Variants in PKP2 observed in about 807,000 individuals in gnomAD.
The protein encoded by PKP2 is plakophilin-2.
Under a neutral mutation model 83.4 loss-of-function variants are expected in PKP2, and 73 were observed. The observed-to-expected ratio is 0.88, with a 90% CI of 0.72 to 1.06. The LOEUF is 1.06. Ranked by LOEUF, PKP2 falls within the 50% of genes least tolerant of loss-of-function variation. The pLI is 0.00. For synonymous variants in PKP2, 409 were observed against 430.4 expected (o/e 0.95, Z 0.62); for missense variants, 966 against 1,065.4 (o/e 0.91, Z 1.30).
chr12:32,829,694 T>C (rs145183005), intron 6 of PKP2, among the ~76,000 whole-genome samples: 3,192 of 152,008 alleles, frequency 0.021, 117 homozygotes, highest in African/African-American at 0.073. Flanking sequence ...GGAGTCTCAC[T>C]GTGTTGCCCA....
Position 32,802,417 on chromosome 12 carries a change from A to G in PKP2, c.2153T>C (p.Leu718Pro), listed in dbSNP as rs761037679. The G allele has an allele frequency of 2.5e-6, 4 of 1,613,998 alleles. No homozygotes were observed. The highest frequency in any genetic ancestry group is 2.2e-5 in the South Asian group (2 of 91,088). The change falls in exon 10 of 13, where the codon CTG becomes CCG. Residue 718 changes from leucine (L) to proline (P), a missense_variant. Physicochemically the swap from Leu to Pro is moderately conservative, Grantham distance 98. Coordinates refer to ENST00000340811, the MANE Select transcript of PKP2 (RefSeq NM_001005242.3). Reference sequence around the variant, plus strand: ...TACCGACTCACCAATTTCATTCTGCAGAGAAAGATTCCGGGACAGATTCCT... The same window carrying G: ...TACCGACTCACCAATTTCATTCTGCGGAGAAAGATTCCGGGACAGATTCCT... Reference protein sequence around the residue: ...LLRNLSRNLSLQNEIAKETLP... With the variant: ...LLRNLSRNLSPQNEIAKETLP...
intron 1 of PKP2, chr12:32,893,403 A>C (rs1222584282): frequency 6.6e-6 from 1 of 152,200 alleles, no homozygotes; most frequent in Non-Finnish European, 1.5e-5. Flanking sequence ...AAATAATAAA[A>C]ATTATACTCA....
intron 4 of PKP2, among the ~76,000 whole-genome samples, chr12:32,866,882 C>G (rs781425798): frequency 1.1e-4 from 16 of 152,114 alleles, no homozygotes; most frequent in Non-Finnish European, 1.9e-4. Flanking sequence ...TTCACGGTAG[C>G]TTTATTTGTA....
chr12:32,888,926 G>C (rs1032547241), intron 1 of PKP2, among the ~76,000 whole-genome samples: 1 of 152,102 alleles, frequency 6.6e-6, no homozygotes, highest in Non-Finnish European at 1.5e-5. Context: ...AAAGTGCTGG[G>C]ATTACAGGAA....
At chr12:32,840,946 A>G in intron 6 of PKP2, 82 bp downstream of exon 6, 2 of 966,268 alleles carry the variant, frequency 2.1e-6, no homozygotes, top group Non-Finnish European at 3.3e-6. Context: ...AAAGAACCAA[A>G]GGCAGAATAT....
In PKP2 at chr12:32,877,916, C is replaced by A. The variant is rs200069860; in HGVS notation, c.964G>T (p.Gly322Cys). Residue 322 changes from glycine (G) to cysteine (C), a missense_variant, in exon 3 of 13, where the codon GGC (glycine) becomes TGC (cysteine). Coordinates refer to ENST00000340811, the MANE Select transcript of PKP2 (RefSeq NM_001005242.3). ...SSGRRAHLTVGQAAAGGSGNL... is the reference protein window; with the variant it reads ...SSGRRAHLTVCQAAAGGSGNL... Reference sequence around the variant, plus strand: ...CCACTTCCCCCTGCGGCCGCCTGGCCGACAGTCAAGTGCGCTCTCCTCCCG... The same window carrying A: ...CCACTTCCCCCTGCGGCCGCCTGGCAGACAGTCAAGTGCGCTCTCCTCCCG... The A allele has an allele frequency of 5.5e-5, 89 of 1,614,134 alleles. No homozygotes were observed. In the African/African-American group the frequency reaches 1.1e-3, roughly 20 times the overall value.
At chr12:32,852,532 T>TC (rs1335614078) in intron 4 of PKP2, among the ~76,000 whole-genome samples, 1 of 152,188 alleles carries the variant, frequency 6.6e-6, no homozygotes, top group Non-Finnish European at 1.5e-5. Context: ...ACAACTCCTC[T>TC]CCCTCCTACT....
At chr12:32,836,475 G>A (rs1267508384) in intron 6 of PKP2, among the ~76,000 whole-genome samples, 1 of 152,210 alleles carries the variant, frequency 6.6e-6, no homozygotes, top group African/African-American at 2.4e-5. Context: ...CATTTTATAT[G>A]CAGAGCAGAT....
At chr12:32,826,006 C>T (rs1005055074) in intron 6 of PKP2, among the ~76,000 whole-genome samples, 3 of 152,148 alleles carry the variant, frequency 2.0e-5, no homozygotes, top group Admixed American at 6.5e-5. Flanking sequence ...CTAAGCATTA[C>T]ATCAAGAACT....
rs772334698 is a variant in PKP2, at chr12:32,850,954, A to T, written c.1190T>A (p.Ile397Asn). Residue 397 changes from isoleucine to asparagine, a missense_variant, in exon 5 of 13, where the codon ATC (isoleucine) becomes AAC (asparagine). Physicochemically the swap from Ile to Asn is moderately radical, Grantham distance 149. Coordinates refer to ENST00000340811, the MANE Select transcript of PKP2 (RefSeq NM_001005242.3). ...ARKRVNQLRG[I>N]LKLLQLLKVQ... Reference sequence around the variant, plus strand: ...TTTTAGGAGCTGCAGAAGCTTGAGGATGCCACGAAGCTGGTTAACCTGGGG... The same window carrying T: ...TTTTAGGAGCTGCAGAAGCTTGAGGTTGCCACGAAGCTGGTTAACCTGGGG... 15 of 1,614,032 alleles carry T rather than the reference A, an allele frequency of 9.3e-6. No homozygotes were observed. The African/African-American group carries it at 1.9e-4, about 20-fold the overall frequency.
At chr12:32,802,002 A>G (rs1956184738) in intron 10 of PKP2, among the ~76,000 whole-genome samples, 1 of 152,184 alleles carries the variant, frequency 6.6e-6, no homozygotes, top group African/African-American at 2.4e-5. Flanking sequence ...TGTTTTTCAA[A>G]TGTTCTAGAA....
chr12:32,867,985 CA>C (rs1565595723), intron 4 of PKP2, among the ~76,000 whole-genome samples: 1 of 151,986 alleles, frequency 6.6e-6, no homozygotes, highest in African/African-American at 2.4e-5. Context: ...CATATATGCA[CA>C]AAGCAATTCA....
In PKP2 at chr12:32,798,236, C is replaced by A. The variant is rs185541829; in HGVS notation, c.2168-1938G>T. Among the ~76,000 whole-genome samples the A allele has an allele frequency of 5.4e-3, 812 of 150,890 alleles. 3 individuals are homozygous for A. Among genetic ancestry groups the A allele is most frequent in the Non-Finnish European group, 8.1e-3 (548 of 67,872 alleles). ...AGTAGCTAGGATTACAGGTACGCAC[C>A]ACCATGCCCGGCTAATTTTTTGTAT... On this transcript the variant is annotated intron_variant, in intron 10 of 12. Coordinates refer to ENST00000340811, the MANE Select transcript of PKP2 (RefSeq NM_001005242.3).
intron 9 of PKP2, among the ~76,000 whole-genome samples, chr12:32,809,324 G>C (rs1376547744): frequency 6.6e-6 from 1 of 152,036 alleles, no homozygotes; most frequent in African/African-American, 2.4e-5. Flanking sequence ...CAGCTGTGCT[G>C]TGTTGGGGGT....
intron 9 of PKP2, among the ~76,000 whole-genome samples, chr12:32,803,801 T>C (rs1047702880): frequency 1.3e-5 from 2 of 152,230 alleles, no homozygotes; most frequent in African/African-American, 2.4e-5. Flanking sequence ...TTTTATCCAA[T>C]ATTTGTAATA....
Position 32,841,094 on chromosome 12 carries a change from C to A in PKP2, c.1490G>T (p.Gly497Val), listed in dbSNP as rs752524467. 6.2e-7 allele frequency: 1 copy of A among 1,613,592 alleles called. No individual in the cohort carries two copies. The highest frequency in any genetic ancestry group is 1.1e-5 in the South Asian group (1 of 91,058). The change falls in exon 6 of 13, where the codon GGA becomes GTA. Residue 497 changes from glycine to valine, a missense_variant. Coordinates refer to ENST00000340811, the MANE Select transcript of PKP2 (RefSeq NM_001005242.3). ...IIIPFSGWPE[G>V]DYPKANGLLD... ...CAAACCATTTGCTTTTGGGTAGTCT[C>A]CTTCAGGCCACCCAGAAAAGGGGAT...
At chr12:32,879,099 T>C in intron 1 of PKP2, 67 bp from the exon 2 acceptor site, 1 of 855,570 alleles carries the variant, frequency 1.2e-6, no homozygotes, top group South Asian at 1.3e-5. Flanking sequence ...ACAGACTGTA[T>C]AACAATGATG....
chr12:32,826,825 A>C (rs893392345), intron 6 of PKP2, among the ~76,000 whole-genome samples: 10 of 152,214 alleles, frequency 6.6e-5, no homozygotes, highest in African/African-American at 2.4e-4. Flanking sequence ...TACATGAAAA[A>C]CTAGAAGCCA....
chr12:32,839,426 T>C (rs1956569621), intron 6 of PKP2, among the ~76,000 whole-genome samples: 1 of 150,086 alleles, frequency 6.7e-6, no homozygotes, highest in Non-Finnish European at 1.5e-5. Flanking sequence ...GATTAAGTTA[T>C]CTGCTCAGTA....
Sources: gnomAD v4.1 joint callset for allele counts (sites outside exome capture counted in the v4.1 genomes callset) on GRCh38, gnomAD v4.1.1 for gene constraint, MANE v1.5 for transcripts, NCBI Gene and HGNC (gene_info 2026-07-23, HGNC 2026-07-21) for gene names.